Variants in SP100 observed in about 807,000 individuals in gnomAD.
SP100 encodes SP100 nuclear body protein, also known as nuclear autoantigen Sp-100.
SP100 carries 84 observed loss-of-function variants against 130.0 expected under a neutral mutation model. The ratio of observed to expected loss-of-function variants is 0.65; its 90% CI spans 0.54 to 0.77. The LOEUF (loss-of-function observed/expected upper bound fraction) is 0.77. Ranked by LOEUF, SP100 falls within the 30% of genes least tolerant of loss-of-function variation. The pLI is 0.00. For synonymous variants in SP100, 331 were observed against 351.7 expected (o/e 0.94, Z 0.66); for missense variants, 978 against 1,052.2 (o/e 0.93, Z 0.97).
intron 2 of SP100, among the ~76,000 whole-genome samples, chr2:230,431,328 C>T (rs1456025435): frequency 6.6e-6 from 1 of 152,252 alleles, no homozygotes; most frequent in Non-Finnish European, 1.5e-5. Flanking sequence ...GTGTCCTCCT[C>T]AGGCTCTGTT....
chr2:230,504,199 C>T lies in SP100; in HGVS notation c.1779C>T (p.Pro593=), dbSNP rs779933378. 8.1e-6 allele frequency: 13 copies of T among 1,608,280 alleles called. No homozygotes were observed. In the Middle Eastern group the frequency reaches 6.6e-4, roughly 82 times the overall value. The change falls in exon 21 of 29, where the codon CCC becomes CCT. Residue 593 remains proline (P), a synonymous_variant. Coordinates refer to ENST00000340126, the MANE Select transcript of SP100 (RefSeq NM_001080391.2). ...KRRRKRGPRI[P]KDENINFKQS... is the part of the protein sequence containing the mutation. ...GCTTCCTTGCAGGTCCAAGAATTCC[C>T]AAAGATGAAAATATTAATTTTAAAC...
At chr2:230,442,039 AACTTTT>A (rs2063491761) in intron 2 of SP100, among the ~76,000 whole-genome samples, 1 of 138,872 alleles carries the variant, frequency 7.2e-6, no homozygotes, top group African/African-American at 2.6e-5. Context: ...TTTAACCAGA[AACTTTT>A]TTTACAGAAA....
chr2:230,442,370 G>A (rs1025022832), intron 2 of SP100, among the ~76,000 whole-genome samples: 1 of 152,080 alleles, frequency 6.6e-6, no homozygotes, highest in Admixed American at 6.5e-5. Flanking sequence ...CATTCTAGGA[G>A]ATATCATTCA....
chr2:230,440,688 A>C (rs1471902747), intron 2 of SP100: 3 of 803,942 alleles, frequency 3.7e-6, no homozygotes, highest in Non-Finnish European at 5.1e-6. Flanking sequence ...GAAGAAATTG[A>C]CAAACTGATT....
chr2:230,433,445 C>T (rs2063154347), intron 2 of SP100, among the ~76,000 whole-genome samples: 1 of 152,020 alleles, frequency 6.6e-6, no homozygotes, highest in Non-Finnish European at 1.5e-5. Flanking sequence ...CAACTTTTTT[C>T]TTCTTTTTCA....
At chr2:230,497,663 C>A (rs763789968) in intron 18 of SP100, among the ~76,000 whole-genome samples, 23 of 152,016 alleles carry the variant, frequency 1.5e-4, no homozygotes, top group Non-Finnish European at 7.4e-5. Flanking sequence ...CCTGCACATA[C>A]CTCACTGTCT....
chr2:230,523,813 G>A (rs746241453), intron 24 of SP100, among the ~76,000 whole-genome samples: 4 of 152,036 alleles, frequency 2.6e-5, no homozygotes, highest in Admixed American at 6.6e-5. Flanking sequence ...GGAGGCTAAG[G>A]CAGAAGAATC....
intron 15 of SP100, among the ~76,000 whole-genome samples, chr2:230,472,657 G>A (rs573918843): frequency 6.6e-6 from 1 of 152,152 alleles, no homozygotes; most frequent in African/African-American, 2.4e-5. Flanking sequence ...AAAGATGAGA[G>A]AAAAATGGAG....
At chr2:230,528,281 A>G (rs1192673281) in intron 24 of SP100, among the ~76,000 whole-genome samples, 1 of 152,240 alleles carries the variant, frequency 6.6e-6, no homozygotes, top group African/African-American at 2.4e-5. Flanking sequence ...AAACTACTCA[A>G]AACTGCACAA....
intron 14 of SP100, 59 bp from the exon 15 acceptor site, chr2:230,469,956 C>CCCTG: frequency 6.4e-7 from 1 of 1,555,066 alleles, no homozygotes. Flanking sequence ...TTAAAGAATT[C>CCCTG]CCTGCTGATT....
chr2:230,473,196 G>A, intron 15 of SP100, 128 bp from the exon 16 acceptor site: 1 of 595,652 alleles, frequency 1.7e-6, no homozygotes, highest in Non-Finnish European at 3.0e-6. Context: ...AAAAGAAAAA[G>A]AGATTTCAGA....
At chr2:230,514,153 CAATAG>C (rs1020460008) in intron 24 of SP100, among the ~76,000 whole-genome samples, 26 of 151,070 alleles carry the variant, frequency 1.7e-4, no homozygotes, top group Non-Finnish European at 3.5e-4. Flanking sequence ...CTTGAAAACA[CAATAG>C]AATAAAGAAA....
At chr2:230,471,703 G>A (rs551410943) in intron 15 of SP100, among the ~76,000 whole-genome samples, 65 of 152,156 alleles carry the variant, frequency 4.3e-4, no homozygotes, top group African/African-American at 1.4e-3. Context: ...TTGAGGGAGC[G>A]AAAAGAAAAA....
chr2:230,516,747 C>T lies in SP100; in HGVS notation c.2094+5581C>T, dbSNP rs370141923. The stretch of plus-strand genomic sequence containing the variant: ...AATGCTTGTAGAGAAAATTTTAAAA[C>T]GGTAACTGTGGATGTCAAAAACTTA... On this transcript the variant is annotated intron_variant, in intron 24 of 28. Transcript: ENST00000340126. Among the ~76,000 whole-genome samples, 105 of 152,182 alleles carry T rather than the reference C, an allele frequency of 6.9e-4. 1 individual carries two copies. In the Middle Eastern group the frequency reaches 0.021, roughly 30 times the overall value.
At chr2:230,525,249 C>T (rs1264373825) in intron 24 of SP100, among the ~76,000 whole-genome samples, 1 of 152,030 alleles carries the variant, frequency 6.6e-6, no homozygotes, top group Non-Finnish European at 1.5e-5. Context: ...TAATTTTTTT[C>T]CCTGTTTCCC....
intron 24 of SP100, among the ~76,000 whole-genome samples, chr2:230,534,669 G>T (rs926395240): frequency 6.6e-6 from 1 of 152,148 alleles, no homozygotes; most frequent in Non-Finnish European, 1.5e-5. Flanking sequence ...CTGAGGTGGT[G>T]GTCAACTTCT....
chr2:230,518,109 C>A (rs116806641), intron 24 of SP100, among the ~76,000 whole-genome samples: 1 of 120,924 alleles, frequency 8.3e-6, no homozygotes. Flanking sequence ...GAACAAAAAA[C>A]TTACAAGACT....
At chr2:230,443,274 A>G (rs748544320) in intron 3 of SP100, among the ~76,000 whole-genome samples, 175 bp downstream of exon 3, 13 of 152,136 alleles carry the variant, frequency 8.5e-5, no homozygotes, top group Admixed American at 3.3e-4. Context: ...AGGAGAGGAG[A>G]AGCAGAGGTC....
intron 5 of SP100, 136 bp downstream of exon 5, chr2:230,447,038 A>G (rs2063740327): frequency 1.7e-6 from 1 of 589,528 alleles, no homozygotes; most frequent in South Asian, 2.1e-5. Flanking sequence ...GCTTCTAACC[A>G]GGTGCAGGGT....
Sources: gnomAD v4.1 joint callset for allele counts (sites outside exome capture counted in the v4.1 genomes callset) on GRCh38, gnomAD v4.1.1 for gene constraint, MANE v1.5 for transcripts, NCBI Gene and HGNC (gene_info 2026-07-23, HGNC 2026-07-21) for gene names.